Variants in SNTG1 observed in about 807,000 individuals in gnomAD.
SNTG1 encodes syntrophin gamma 1.
Under a neutral mutation model 74.7 loss-of-function variants are expected in SNTG1, and 39 were observed. The observed-to-expected ratio is 0.52, with a 90% CI of 0.40 to 0.68. SNTG1 has a LOEUF of 0.68. Ranked by LOEUF, SNTG1 falls within the 30% of genes least tolerant of loss-of-function variation. SNTG1 has a pLI of 0.00. For synonymous variants in SNTG1, 254 were observed against 217.1 expected (o/e 1.17, Z -1.49); for missense variants, 685 against 609.5 (o/e 1.12, Z -1.30).
chr8:50,786,817 C>T (rs1287892696), intron 18 of SNTG1, among the ~76,000 whole-genome samples: 2 of 151,928 alleles, frequency 1.3e-5, no homozygotes, highest in African/African-American at 4.8e-5. Context: ...GTCCTTTCCT[C>T]ATACCATAAA....
At chr8:50,465,627 C>T (rs2093603019) in intron 8 of SNTG1, among the ~76,000 whole-genome samples, 1 of 152,178 alleles carries the variant, frequency 6.6e-6, no homozygotes, top group South Asian at 2.1e-4. Context: ...CCATGGCCTT[C>T]AGGAAGCCAT....
At chr8:50,026,717 G>T (rs1051936263) in intron 1 of SNTG1, among the ~76,000 whole-genome samples, 2 of 151,916 alleles carry the variant, frequency 1.3e-5, no homozygotes, top group Non-Finnish European at 2.9e-5. Flanking sequence ...GTGTGTGTGT[G>T]TATCCTAAAA....
At position 50,425,828 on chromosome 8, in the gene SNTG1, T is replaced by C. The variant is rs78856006; in HGVS notation, c.163-12715T>C. Among the ~76,000 whole-genome samples the C allele has an allele frequency of 4.9e-3, 752 of 152,272 alleles. 7 individuals carry two copies. The highest frequency in any genetic ancestry group is 0.017 in the African/African-American group (727 of 41,562). ...GTGACGTTTGAATCAAGGAAAACAC[T>C]TAGGAGATGCAATGAGGTGCTGAAA... On this transcript the variant is annotated intron_variant, in intron 4 of 18. Coordinates refer to ENST00000642720, the MANE Select transcript of SNTG1 (RefSeq NM_018967.5).
intron 2 of SNTG1, among the ~76,000 whole-genome samples, chr8:50,276,505 G>A (rs2088121998): frequency 6.6e-6 from 1 of 151,002 alleles, no homozygotes; most frequent in Non-Finnish European, 1.5e-5. Flanking sequence ...TTAACATTCT[G>A]GAAGGAAACT....
At chr8:50,638,794 TC>T (rs1349329147) in intron 13 of SNTG1, among the ~76,000 whole-genome samples, 2 of 152,018 alleles carry the variant, frequency 1.3e-5, no homozygotes, top group Non-Finnish European at 1.5e-5. Context: ...TGAGGATTTC[TC>T]CAAAAATCAA....
At chr8:50,233,734 G>GAAA (rs71235783) in intron 2 of SNTG1, among the ~76,000 whole-genome samples, 4 of 150,252 alleles carry the variant, frequency 2.7e-5, no homozygotes, top group South Asian at 4.2e-4. Flanking sequence ...TTAGAAAATG[G>GAAA]AAAAAAAAAT....
intron 1 of SNTG1, among the ~76,000 whole-genome samples, chr8:49,972,538 C>A (rs1811790864): frequency 6.6e-6 from 1 of 152,110 alleles, no homozygotes; most frequent in Non-Finnish European, 1.5e-5. Flanking sequence ...AACTAAAGAG[C>A]TTCTGCACAG....
At chr8:50,782,941 T>C (rs1239540624) in intron 18 of SNTG1, among the ~76,000 whole-genome samples, 1 of 152,166 alleles carries the variant, frequency 6.6e-6, no homozygotes, top group Non-Finnish European at 1.5e-5. Context: ...CTCTGCTGCA[T>C]GTCTGTTGGA....
chr8:50,252,298 G>A (rs1398035602), intron 2 of SNTG1, among the ~76,000 whole-genome samples: 1 of 151,864 alleles, frequency 6.6e-6, no homozygotes, highest in Non-Finnish European at 1.5e-5. Context: ...ATAACTCAAG[G>A]AACTAGAAAA....
At chr8:49,934,286 T>C (rs1361648376) in intron 1 of SNTG1, among the ~76,000 whole-genome samples, 1 of 43,998 alleles carries the variant, frequency 2.3e-5, no homozygotes, top group Non-Finnish European at 5.4e-5. Flanking sequence ...TATAGATCTA[T>C]CTATCTATCT....
At chr8:50,704,216 A>C (rs1190432601) in intron 15 of SNTG1, among the ~76,000 whole-genome samples, 1 of 152,212 alleles carries the variant, frequency 6.6e-6, no homozygotes. Context: ...GTTCCTTAAA[A>C]TTTACAAACA....
chr8:50,402,130 T>C, intron 3 of SNTG1, 80 bp from the exon 4 acceptor site: 3 of 1,394,486 alleles, frequency 2.2e-6, no homozygotes, highest in Non-Finnish European at 2.9e-6. Context: ...CACCATGTTT[T>C]GCTGTAAACT....
At chr8:50,211,523 G>A (rs1319956552) in intron 2 of SNTG1, among the ~76,000 whole-genome samples, 1 of 151,988 alleles carries the variant, frequency 6.6e-6, no homozygotes, top group East Asian at 1.9e-4. Context: ...TTTATACTCA[G>A]TTGCACCAAT....
intron 15 of SNTG1, among the ~76,000 whole-genome samples, chr8:50,695,317 TA>T (rs143459419): frequency 3.3e-5 from 5 of 151,874 alleles, no homozygotes; most frequent in African/African-American, 9.7e-5. Flanking sequence ...ACCAATGTTT[TA>T]AAAAAATCAA....
intron 1 of SNTG1, among the ~76,000 whole-genome samples, chr8:49,931,941 T>C (rs972502448): frequency 6.6e-5 from 10 of 152,246 alleles, no homozygotes; most frequent in African/African-American, 2.4e-4. Context: ...CGATATTCAC[T>C]ATCTTCATTT....
At chr8:49,944,792 A>G (rs79603096) in intron 1 of SNTG1, among the ~76,000 whole-genome samples, 1 of 118,622 alleles carries the variant, frequency 8.4e-6, no homozygotes, top group East Asian at 2.1e-4. Context: ...CACCTGCAAG[A>G]AAAAAAAAAA....
intron 1 of SNTG1, among the ~76,000 whole-genome samples, chr8:49,957,187 G>A (rs778499912): frequency 3.3e-5 from 5 of 152,156 alleles, no homozygotes; most frequent in Non-Finnish European, 7.3e-5. Context: ...TGGTGTTCAT[G>A]TGGGGATCCT....
At chr8:50,407,117 T>C (rs549441243) in intron 4 of SNTG1, among the ~76,000 whole-genome samples, 2 of 152,322 alleles carry the variant, frequency 1.3e-5, no homozygotes, top group East Asian at 1.9e-4. Context: ...ACATAGTCCA[T>C]GTGCTCGCTG....
intron 1 of SNTG1, among the ~76,000 whole-genome samples, chr8:50,082,958 T>C (rs1822545460): frequency 6.6e-6 from 1 of 152,116 alleles, no homozygotes; most frequent in African/African-American, 2.4e-5. Context: ...CACTGACCTC[T>C]TTTTTCAATT....
Sources: allele counts gnomAD v4.1 joint callset (sites outside exome capture counted in the v4.1 genomes callset), GRCh38; gene constraint gnomAD v4.1.1; transcripts MANE v1.5; gene names NCBI Gene and HGNC (gene_info 2026-07-23, HGNC 2026-07-21).